The following CHIC1 variants were observed in gnomAD, a reference collection of about 807,000 sequenced individuals.
The protein encoded by CHIC1 is cysteine rich hydrophobic domain 1.
CHIC1 carries 7 observed loss-of-function variants against 18.5 expected under a neutral mutation model. The observed-to-expected ratio is 0.38, with a 90% CI of 0.22 to 0.71. The LOEUF (loss-of-function observed/expected upper bound fraction) is 0.71, where lower values mean the gene tolerates loss of function less well. Ranked by LOEUF, CHIC1 falls within the 30% of genes least tolerant of loss-of-function variation. The pLI is 0.49. For missense variants in CHIC1, 159 were observed against 176.9 expected, an observed-to-expected ratio of 0.90 and a Z score of 0.57; for synonymous variants, 77 against 73.5, an observed-to-expected ratio of 1.05 and a Z score of -0.25.
At chrX:73,638,845 C>T (rs762765797) in intron 3 of CHIC1, among the ~76,000 whole-genome samples, 29 of 111,824 alleles carry the variant, frequency 2.6e-4, no homozygotes, top group Non-Finnish European at 4.7e-4. Flanking sequence ...CATGTTGCTG[C>T]AAAGGACATG....
At chrX:73,661,742 T>C (rs1049577335) in intron 3 of CHIC1, among the ~76,000 whole-genome samples, 3 of 111,589 alleles carry the variant, frequency 2.7e-5, no homozygotes, top group Non-Finnish European at 3.8e-5. Context: ...ACAATATTGA[T>C]GGGCTGAGCA....
intron 2 of CHIC1, 135 bp from the exon 3 acceptor site, chrX:73,584,282 A>C (rs1036456329): frequency 1.9e-6 from 1 of 513,139 alleles, no homozygotes; most frequent in Non-Finnish European, 3.0e-6. Flanking sequence ...AGAGTGCGTG[A>C]ACATATTTAT....
Position 73,615,829 on chromosome X carries a change from G to A in CHIC1, c.507+31257G>A, listed in dbSNP as rs1220933469. Among the ~76,000 whole-genome samples, 4 of 111,208 alleles carry A rather than the reference G, an allele frequency of 3.6e-5. No individual in the cohort carries two copies. In the East Asian group the frequency reaches 1.1e-3, roughly 32 times the overall value. ...TACCACAGCCTTGTTCCTGGGTCAG[G>A]TGGGGTTGCTTTTAGTGTCAGTGGC... On this transcript the variant is annotated intron_variant, in intron 3 of 5. Coordinates refer to ENST00000373502, the MANE Select transcript of CHIC1 (RefSeq NM_001039840.4).
intron 3 of CHIC1, among the ~76,000 whole-genome samples, chrX:73,661,313 A>G (rs990613406): frequency 6.2e-5 from 7 of 112,351 alleles, no homozygotes; most frequent in Non-Finnish European, 1.3e-4. Flanking sequence ...AAATTCAGGG[A>G]TGTGTGTAAC....
chrX:73,653,341 T>G (rs897463781), intron 3 of CHIC1, among the ~76,000 whole-genome samples: 2 of 111,737 alleles, frequency 1.8e-5, no homozygotes, highest in Non-Finnish European at 3.8e-5. Flanking sequence ...TCCTGGAACT[T>G]TAAGTAAAAT....
chrX:73,641,006 C>T (rs1313316788), intron 3 of CHIC1, among the ~76,000 whole-genome samples: 1 of 111,371 alleles, frequency 9.0e-6, no homozygotes, highest in Non-Finnish European at 1.9e-5. Context: ...TTTAACACTG[C>T]CTTAGCCATG....
At chrX:73,663,214 G>A (rs890595424) in intron 3 of CHIC1, among the ~76,000 whole-genome samples, 1 of 111,356 alleles carries the variant, frequency 9.0e-6, no homozygotes, top group Non-Finnish European at 1.9e-5. Flanking sequence ...GACTTTTGGG[G>A]AATGACGAAA....
At chrX:73,574,615 G>A (rs181389330) in intron 1 of CHIC1, among the ~76,000 whole-genome samples, 1 of 110,121 alleles carries the variant, frequency 9.1e-6, no homozygotes, top group East Asian at 2.9e-4. Flanking sequence ...ACTTGATATT[G>A]GTCTGTTTAG....
chrX:73,656,973 C>A (rs772193137), intron 3 of CHIC1, among the ~76,000 whole-genome samples: 68 of 110,823 alleles, frequency 6.1e-4, no homozygotes, highest in Non-Finnish European at 1.2e-3. Context: ...TTTCTGATTT[C>A]TTTGAGCAGT....
At chrX:73,643,655 C>A in intron 3 of CHIC1, among the ~76,000 whole-genome samples, 1 of 112,137 alleles carries the variant, frequency 8.9e-6, no homozygotes, top group East Asian at 2.8e-4. Flanking sequence ...TCCAGTTGAT[C>A]GCATCGGCTC....
At chrX:73,628,235 G>A (rs1603345231) in intron 3 of CHIC1, among the ~76,000 whole-genome samples, 1 of 111,707 alleles carries the variant, frequency 9.0e-6, no homozygotes, top group Non-Finnish European at 1.9e-5. Context: ...GAAGCCAAGA[G>A]CTGTGCAGCC....
At chrX:73,621,436 G>A (rs1240030694) in intron 3 of CHIC1, among the ~76,000 whole-genome samples, 2 of 111,498 alleles carry the variant, frequency 1.8e-5, no homozygotes, top group Non-Finnish European at 3.8e-5. Context: ...TGTATTTGTA[G>A]GTATTTTATT....
chrX:73,605,694 A>C (rs1263716013), intron 3 of CHIC1, among the ~76,000 whole-genome samples: 3 of 108,510 alleles, frequency 2.8e-5, no homozygotes, highest in Non-Finnish European at 5.6e-5. Context: ...CCTGGTGATG[A>C]CAGAATCTCT....
intron 3 of CHIC1, among the ~76,000 whole-genome samples, chrX:73,597,686 AG>A (rs2057617685): frequency 9.2e-6 from 1 of 108,770 alleles, no homozygotes; most frequent in South Asian, 4.0e-4. Flanking sequence ...TTTGTTACCT[AG>A]GTATACACAT....
intron 3 of CHIC1, among the ~76,000 whole-genome samples, chrX:73,658,843 A>G (rs1055447220): frequency 1.8e-5 from 2 of 111,782 alleles, no homozygotes; most frequent in African/African-American, 3.2e-5. Context: ...CTTCGTTCTC[A>G]TTTGTTTAAA....
intron 3 of CHIC1, among the ~76,000 whole-genome samples, chrX:73,593,545 C>T (rs1316369011): frequency 9.0e-6 from 1 of 111,586 alleles, no homozygotes; most frequent in Non-Finnish European, 1.9e-5. Flanking sequence ...CTCAGGAGTC[C>T]TAATGTGTCA....
chrX:73,625,408 C>T (rs2031154072), intron 3 of CHIC1, among the ~76,000 whole-genome samples: 1 of 111,467 alleles, frequency 9.0e-6, no homozygotes, highest in African/African-American at 3.3e-5. Context: ...GAGAGAAAAG[C>T]ATTACTTGCT....
intron 3 of CHIC1, among the ~76,000 whole-genome samples, chrX:73,594,142 CTTTGTTTTGTTTTGT>C (rs199752892): frequency 1.8e-3 from 184 of 101,565 alleles, no homozygotes; most frequent in Non-Finnish European, 2.6e-3. Flanking sequence ...AGGTGCTTTC[CTTTGTTTTGTTTTGT>C]TTTGTTTTGT....
chrX:73,574,811 CT>C (rs1218867822), intron 1 of CHIC1, among the ~76,000 whole-genome samples: 6 of 110,222 alleles, frequency 5.4e-5, no homozygotes, highest in Non-Finnish European at 1.2e-4. Context: ...TGGATCTTCT[CT>C]TTTTTCTTTG....
Sources: gnomAD v4.1 joint callset for allele counts (sites outside exome capture counted in the v4.1 genomes callset) on GRCh38, gnomAD v4.1.1 for gene constraint, MANE v1.5 for transcripts, NCBI Gene and HGNC (gene_info 2026-07-23, HGNC 2026-07-21) for gene names.